The following COL1A1 variants were observed in gnomAD, a reference collection of about 807,000 sequenced individuals.
COL1A1 encodes collagen type I alpha 1 chain, also known as collagen alpha-1(I) chain.
A neutral mutation model predicts 195.7 loss-of-function variants in COL1A1; 21 were observed. That is an observed-to-expected ratio of 0.11 (90% CI 0.08 to 0.15). COL1A1 has a LOEUF of 0.15. Ranked by LOEUF, COL1A1 falls within the 10% of genes least tolerant of loss-of-function variation. The pLI, the probability that COL1A1 is intolerant of heterozygous loss-of-function variation, is 1.00. For synonymous variants in COL1A1, 749 were observed against 747.3 expected, an observed-to-expected ratio of 1.00 and a Z score of -0.04; for missense variants, 1,365 against 2,051.0, an observed-to-expected ratio of 0.67 and a Z score of 6.46.
rs2144548840 is a variant in COL1A1, at chr17:50,189,180, A to G, written c.2925T>C (p.Leu975=). 6.2e-7 allele frequency: 1 copy of G among 1,613,860 alleles called. No individual in the cohort carries two copies. The highest frequency in any genetic ancestry group is 8.5e-7 in the Non-Finnish European group (1 of 1,179,928). ...GQRGERGFPG[L]PGPSGEPGKQ... ...GGGGGGCACTTACAGAGGGGCCAGG[A>G]AGACCAGGGAAGCCTCTCTCTCCTC... The change falls in exon 40 of 51, where the codon CTT becomes CTC. Residue 975 remains leucine, a synonymous_variant. Transcript: ENST00000225964. This position sits in a 1 kb window ranked among gnomAD's most constrained non-coding sequence, Gnocchi z 5.5.
At chr17:50,187,287 C>T (rs1355498540) in intron 46 of COL1A1, among the ~76,000 whole-genome samples, 165 bp from the exon 47 acceptor site, 10 of 152,204 alleles carry the variant, frequency 6.6e-5, no homozygotes, top group Admixed American at 2.0e-4. Flanking sequence ...AGCCGCTGAG[C>T]CAGGGGAGGA....
chr17:50,191,350 T>C (rs202019703), intron 32 of COL1A1, 33 bp downstream of exon 32: 1 of 1,564,272 alleles, frequency 6.4e-7, no homozygotes, highest in Non-Finnish European at 8.8e-7. Context: ...GGGAGCCATG[T>C]AGGGCTCAGG....
chr17:50,186,251 C>T lies in COL1A1; in HGVS notation c.4005+66G>A. ...TTAGCAGAGACCTACTCCAGGACTT[C>T]ATGTCCCTTCTGAGCACTGGGCTAG... On this transcript the variant is annotated intron_variant, in intron 49 of 50. Coordinates refer to ENST00000225964, the MANE Select transcript of COL1A1 (RefSeq NM_000088.4). This position sits in a 1 kb window ranked among gnomAD's most constrained non-coding sequence, Gnocchi z 5.3. 1 of 1,601,164 alleles carries T rather than the reference C, an allele frequency of 6.2e-7. No individual in the cohort carries two copies. The highest frequency in any genetic ancestry group is 8.5e-7 in the Non-Finnish European group (1 of 1,172,314).
chr17:50,192,125 AG>A (rs1361333407), intron 29 of COL1A1, 101 bp from the exon 30 acceptor site: 1 of 1,254,604 alleles, frequency 8.0e-7, no homozygotes, highest in African/African-American at 1.5e-5. Flanking sequence ...CCGTGATTAG[AG>A]AGGAACCCCT....
rs373624129 is a variant in COL1A1 at position 50,186,525 on chromosome 17, A to G, written c.3815-18T>C. On this transcript the variant is annotated intron_variant, in intron 48 of 50. Transcript: ENST00000225964. This position sits in a 1 kb window ranked among gnomAD's most constrained non-coding sequence, Gnocchi z 5.3. The stretch of plus-strand genomic sequence containing the variant: ...GTACTCTCCTGTGGTAGGGCAGGGC[A>G]AGATGGAGTCAGGGAAAGGGAGCAG... 122 of 1,614,122 alleles carry G rather than the reference A, an allele frequency of 7.6e-5. No homozygotes were observed. In the African/African-American group the frequency reaches 1.2e-3, roughly 16 times the overall value.
At chr17:50,192,299 C>G in intron 29 of COL1A1, 176 bp downstream of exon 29, 1 of 792,830 alleles carries the variant, frequency 1.3e-6, no homozygotes, top group Non-Finnish European at 2.1e-6. Flanking sequence ...GTCACCCAGA[C>G]TAGCAATCAT....
chr17:50,187,866 G>T lies in COL1A1; in HGVS notation c.3369+10C>A. On this transcript the variant is annotated intron_variant, in intron 45 of 50. Coordinates refer to ENST00000225964, the MANE Select transcript of COL1A1 (RefSeq NM_000088.4). ...AGCATGGGGACTGGGGAGGGGCTGA[G>T]CATACTTACAGGAGGGCCAGGGGGA... 6.3e-7 allele frequency: 1 copy of T among 1,588,272 alleles called. No individual in the cohort carries two copies. Among genetic ancestry groups the T allele is most frequent in the Non-Finnish European group, 8.6e-7 (1 of 1,165,336 alleles).
chr17:50,192,579 G>A, intron 28 of COL1A1, 51 bp from the exon 29 acceptor site: 1 of 1,614,070 alleles, frequency 6.2e-7, no homozygotes. Flanking sequence ...GAATCTGGAA[G>A]AGACCAAAGA....
In COL1A1 at chr17:50,194,708, C is replaced by A. The variant is rs371161009; in HGVS notation, c.1461+13G>T. The A allele has an allele frequency of 8.0e-4, 1,249 of 1,562,706 alleles. 2 individuals are homozygous for A. The highest frequency in any genetic ancestry group is 9.9e-4 in the Admixed American group (52 of 52,578). On this transcript the variant is annotated intron_variant, in intron 21 of 50. Transcript: ENST00000225964. This position sits in a 1 kb window ranked among gnomAD's most constrained non-coding sequence, Gnocchi z 6.8. ...TGAGGGTGGAGCGGGAGGGGGCGGG[C>A]AGGGACACTTACACGCTCGCCAGGG...
chr17:50,197,152 C>G, intron 10 of COL1A1, 28 bp downstream of exon 10: 1 of 1,614,022 alleles, frequency 6.2e-7, no homozygotes, highest in Non-Finnish European at 8.5e-7. Flanking sequence ...GCAGTGAAGC[C>G]CAGGTTCAGC....
rs1349899709 is a variant in COL1A1 at position 50,189,297 on chromosome 17, G to A, written c.2830-22C>T. ...CACCCTTTGGGAGGCAAACAGGGGT[G>A]AGGTGCCAGAGAGCAGCACAGGGAC... On this transcript the variant is annotated intron_variant, in intron 39 of 50. Coordinates refer to ENST00000225964, the MANE Select transcript of COL1A1 (RefSeq NM_000088.4). The surrounding 1 kb of genome is among the most constrained non-coding windows in gnomAD (Gnocchi z 5.5). 1 of 1,613,842 alleles carries A rather than the reference G, an allele frequency of 6.2e-7. No homozygotes were observed. Among genetic ancestry groups the A allele is most frequent in the Non-Finnish European group, 8.5e-7 (1 of 1,179,864 alleles).
intron 1 of COL1A1, 43 bp from the exon 2 acceptor site, chr17:50,199,990 C>A (rs771310430): frequency 6.3e-7 from 1 of 1,596,402 alleles, no homozygotes; most frequent in Non-Finnish European, 8.6e-7. Context: ...GTGACTGCAA[C>A]CCCCAGCTTA....
rs1907378945 is a variant in COL1A1 at position 50,194,413 on chromosome 17, G to A, written c.1550C>T (p.Ala517Val). The change falls in exon 23 of 51, where the codon GCT becomes GTT. Residue 517 changes from alanine to valine, a missense_variant. Ala to Val is a moderately conservative substitution (Grantham distance 64). This residue lies in a region of COL1A1 where 671 missense variants were observed against 1,099.9 expected (regional missense o/e 0.61). Coordinates refer to ENST00000225964, the MANE Select transcript of COL1A1 (RefSeq NM_000088.4). This position sits in a 1 kb window ranked among gnomAD's most constrained non-coding sequence, Gnocchi z 6.8. ...TTCACCAGGAGATCCTTTGGGGCCA[G>A]CAGGGCCAGGAGAACCACGTTCACC... ...PAGERGSPGP[A>V]GPKGSPGEAG... The A allele has an allele frequency of 5.0e-6, 8 of 1,614,196 alleles. No homozygotes were observed. Among genetic ancestry groups the A allele is most frequent in the Non-Finnish European group, 6.8e-6 (8 of 1,180,030 alleles).
Position 50,192,776 on chromosome 17 carries a change from C to A in COL1A1, c.1875+21G>T, listed in dbSNP as rs555722335. 144 of 1,614,090 alleles carry A rather than the reference C, an allele frequency of 8.9e-5. 2 individuals carry two copies. The South Asian group carries it at 1.3e-3, about 15-fold the overall frequency. ...GTCTCCCCTTTTCTGCTCCCCAGAT[C>A]TCCCCATCAGGGACACTCACAGCAG... On this transcript the variant is annotated intron_variant, in intron 27 of 50. Transcript: ENST00000225964.
chr17:50,197,959 G>A lies in COL1A1; in HGVS notation c.632C>T (p.Pro211Leu), dbSNP rs892540136. 6.2e-7 allele frequency: 1 copy of A among 1,614,028 alleles called. No individual in the cohort carries two copies. Residue 211 changes from proline (P) to leucine (L), a missense_variant, in exon 8 of 51, where the codon CCT becomes CTT. Around this residue, in one of 5 missense-constraint regions of COL1A1, gnomAD observed 226 missense variants for 372.9 expected, o/e 0.61. Coordinates refer to ENST00000225964, the MANE Select transcript of COL1A1 (RefSeq NM_000088.4). ...FQGPPGEPGE[P>L]GASGPMGPRG... ...ATAGAGAGTGCTTACTGAAGCTCCA[G>A]GCTCGCCAGGCTCACCAGGGGGACC... is the stretch of plus-strand genomic sequence containing the variant.
At position 50,198,406 on chromosome 17, in the gene COL1A1, T is replaced by C. The variant is rs779239471; in HGVS notation, c.543+27A>G. On this transcript the variant is annotated intron_variant, in intron 6 of 50. Coordinates refer to ENST00000225964, the MANE Select transcript of COL1A1 (RefSeq NM_000088.4). ...CTCTGGATACCCATTCTCTCTTCTG[T>C]CATCCATGCTCCCCCTGCTGGCTCA... is the stretch of plus-strand genomic sequence containing the variant. The C allele has an allele frequency of 5.0e-6, 8 of 1,609,836 alleles. No individual in the cohort carries two copies. The East Asian group carries it at 1.8e-4, about 36-fold the overall frequency.
chr17:50,198,933 G>A (rs1907825983), intron 5 of COL1A1, among the ~76,000 whole-genome samples: 1 of 151,870 alleles, frequency 6.6e-6, no homozygotes, highest in African/African-American at 2.4e-5. Context: ...CATTGTGTAG[G>A]TCAGTTAAGA....
In COL1A1 at chr17:50,194,536, C is replaced by T. The variant is rs369449685; in HGVS notation, c.1515+37G>A. 96 of 1,609,122 alleles carry T rather than the reference C, an allele frequency of 6.0e-5. No individual in the cohort carries two copies. Among genetic ancestry groups the T allele is most frequent in the Non-Finnish European group, 6.8e-5 (80 of 1,177,722 alleles). ...AAAGAGGAAGAAGATGCCCAGGGAG[C>T]GGCAGGGTCAGCCCCCCGGCCGCAA... On this transcript the variant is annotated intron_variant, in intron 22 of 50. Transcript: ENST00000225964. This position sits in a 1 kb window ranked among gnomAD's most constrained non-coding sequence, Gnocchi z 6.8.
In COL1A1 at chr17:50,189,154, A is replaced by G. The variant is rs748483605; in HGVS notation, c.2937+14T>C. 1.2e-6 allele frequency: 2 copies of G among 1,607,536 alleles called. No homozygotes were observed. Among genetic ancestry groups the G allele is most frequent in the South Asian group, 2.2e-5 (2 of 90,936 alleles). ...GTTTTTCTCAGGGCCCCCCAAGGTG[A>G]GGGGGGCACTTACAGAGGGGCCAGG... On this transcript the variant is annotated intron_variant, in intron 40 of 50. Coordinates refer to ENST00000225964, the MANE Select transcript of COL1A1 (RefSeq NM_000088.4). This position sits in a 1 kb window ranked among gnomAD's most constrained non-coding sequence, Gnocchi z 5.5.
Sources: allele counts gnomAD v4.1 joint callset (sites outside exome capture counted in the v4.1 genomes callset), GRCh38; gene constraint gnomAD v4.1.1; regional missense constraint gnomAD v4.1.1; non-coding constraint Gnocchi (gnomAD v3.1); transcripts MANE v1.5; gene names NCBI Gene and HGNC (gene_info 2026-07-23, HGNC 2026-07-21).